THADA: variants seen among roughly 807,000 people sequenced by gnomAD.
The protein encoded by THADA is tRNA (32-2'-O)-methyltransferase regulator THADA.
Under a neutral mutation model 219.8 loss-of-function variants are expected in THADA, and 213 were observed. The observed-to-expected ratio is 0.97, with a 90% CI of 0.87 to 1.09. THADA has a LOEUF of 1.09. Among genes scored for constraint, THADA ranks in the 50% least tolerant of loss-of-function variants. The pLI is 0.00. For missense variants in THADA, 2,956 were observed against 2,311.3 expected (o/e 1.28, Z -5.72); for synonymous variants, 1,018 against 828.9 (o/e 1.23, Z -3.92).
intron 29 of THADA, among the ~76,000 whole-genome samples, chr2:43,361,002 G>A (rs1488326401): frequency 6.7e-6 from 1 of 148,526 alleles, no homozygotes; most frequent in Non-Finnish European, 1.5e-5. Flanking sequence ...CAACTGAAAG[G>A]GGGTGCTACC....
At chr2:43,593,795 G>A (rs1046055057) in intron 1 of THADA, among the ~76,000 whole-genome samples, 2 of 151,858 alleles carry the variant, frequency 1.3e-5, no homozygotes, top group African/African-American at 4.8e-5. Flanking sequence ...CACCACGCCC[G>A]GCTAATTTTT....
intron 31 of THADA, among the ~76,000 whole-genome samples, chr2:43,312,735 T>G (rs185036661): frequency 6.7e-6 from 1 of 148,258 alleles, no homozygotes; most frequent in South Asian, 2.2e-4. Context: ...TTTTTTTTTT[T>G]CCTCCTCCTT....
intron 29 of THADA, among the ~76,000 whole-genome samples, chr2:43,349,539 T>C (rs900969218): frequency 1.3e-5 from 2 of 152,190 alleles, no homozygotes; most frequent in African/African-American, 4.8e-5. Context: ...ATATGGTTGT[T>C]TGGGAATGCA....
intron 26 of THADA, among the ~76,000 whole-genome samples, chr2:43,476,821 C>T (rs1359454753): frequency 1.3e-5 from 2 of 152,174 alleles, no homozygotes; most frequent in South Asian, 2.1e-4. Flanking sequence ...CTTCCCCATA[C>T]TAATGGTCAA....
chr2:43,256,339 GTC>G (rs1254709189), intron 36 of THADA, among the ~76,000 whole-genome samples: 2 of 151,872 alleles, frequency 1.3e-5, no homozygotes, highest in Non-Finnish European at 2.9e-5. Context: ...GCGAGACCTT[GTC>G]TCTCTTCTAC....
chr2:43,448,426 T>C (rs981824882), intron 26 of THADA, among the ~76,000 whole-genome samples: 2 of 152,198 alleles, frequency 1.3e-5, no homozygotes, highest in African/African-American at 2.4e-5. Context: ...CAATGGTTGC[T>C]GTTCTGATCT....
intron 22 of THADA, among the ~76,000 whole-genome samples, chr2:43,523,621 T>C (rs1692775299): frequency 1.3e-5 from 2 of 152,324 alleles, no homozygotes; most frequent in South Asian, 4.1e-4. Context: ...CTGATGAAAG[T>C]TTAAATACAT....
chr2:43,562,240 CCT>C (rs1319309452), intron 15 of THADA: 5 of 151,608 alleles, frequency 3.3e-5, no homozygotes, highest in African/African-American at 9.7e-5. Flanking sequence ...CTTCTCTTCT[CCT>C]CTGTTTTCTT....
At chr2:43,252,568 A>C (rs1276676064) in intron 36 of THADA, among the ~76,000 whole-genome samples, 1 of 152,142 alleles carries the variant, frequency 6.6e-6, no homozygotes, top group Non-Finnish European at 1.5e-5. Context: ...TAATATTCCT[A>C]ACACGACTGT....
chr2:43,540,126 A>G (rs556922155), intron 21 of THADA, among the ~76,000 whole-genome samples: 1 of 152,360 alleles, frequency 6.6e-6, no homozygotes, highest in African/African-American at 2.4e-5. Context: ...CATTAATCAT[A>G]GCTGGATTCC....
intron 15 of THADA, chr2:43,563,365 C>G (rs1698304923): frequency 6.6e-6 from 1 of 152,138 alleles, no homozygotes; most frequent in African/African-American, 2.4e-5. Flanking sequence ...CTGTATGAAG[C>G]CACTAACACT....
chr2:43,342,376 C>T (rs1389302448), intron 30 of THADA, among the ~76,000 whole-genome samples: 3 of 152,310 alleles, frequency 2.0e-5, no homozygotes, highest in East Asian at 3.9e-4. Flanking sequence ...GGAAATCCAC[C>T]GCTGGCTCCT....
chr2:43,427,729 G>A (rs1234143916), intron 28 of THADA, among the ~76,000 whole-genome samples: 1 of 149,492 alleles, frequency 6.7e-6, no homozygotes, highest in Non-Finnish European at 1.5e-5. Flanking sequence ...GAATGAGGTG[G>A]GCGGATCACA....
intron 29 of THADA, among the ~76,000 whole-genome samples, chr2:43,347,748 T>C (rs1342069425): frequency 6.6e-6 from 1 of 152,140 alleles, no homozygotes; most frequent in African/African-American, 2.4e-5. Context: ...TTTTTAAAAA[T>C]ATTGGTACTA....
chr2:43,587,692 G>A (rs956660139), intron 4 of THADA, among the ~76,000 whole-genome samples: 2 of 151,520 alleles, frequency 1.3e-5, no homozygotes, highest in African/African-American at 4.9e-5. Flanking sequence ...CTTCCTTCCC[G>A]CTTTTAGATA....
At chr2:43,548,213 C>T (rs1370923804) in intron 20 of THADA, among the ~76,000 whole-genome samples, 1 of 152,180 alleles carries the variant, frequency 6.6e-6, no homozygotes, top group Non-Finnish European at 1.5e-5. Context: ...GCTGTCTGAT[C>T]GTTCCTCTGG....
chr2:43,531,209 GAAT>G (rs1466474671), intron 21 of THADA, among the ~76,000 whole-genome samples: 2 of 152,166 alleles, frequency 1.3e-5, no homozygotes, highest in South Asian at 4.1e-4. Flanking sequence ...TTTTGCACTG[GAAT>G]AATGAGAAAA....
intron 36 of THADA, 166 bp from the exon 37 acceptor site, chr2:43,233,048 G>A: frequency 1.5e-6 from 1 of 663,096 alleles, no homozygotes; most frequent in Non-Finnish European, 2.6e-6. Context: ...ATCACCTTCT[G>A]AATCCTGCTA....
At chr2:43,451,432 A>G (rs1251063524) in intron 26 of THADA, among the ~76,000 whole-genome samples, 1 of 152,138 alleles carries the variant, frequency 6.6e-6, no homozygotes, top group South Asian at 2.1e-4. Flanking sequence ...TTACTTTTTC[A>G]TAACATTAAC....
Sources: allele counts gnomAD v4.1 joint callset (sites outside exome capture counted in the v4.1 genomes callset), GRCh38; gene constraint gnomAD v4.1.1; transcripts MANE v1.5; gene names NCBI Gene and HGNC (gene_info 2026-07-23, HGNC 2026-07-21).